Variants in NAALADL2 observed in about 807,000 individuals in gnomAD.
NAALADL2 encodes inactive N-acetylated-alpha-linked acidic dipeptidase-like protein 2.
NAALADL2 carries 76 observed loss-of-function variants against 87.2 expected under a neutral mutation model. That is an observed-to-expected ratio of 0.87 (90% CI 0.72 to 1.05). The LOEUF is 1.05. Ranked by LOEUF, NAALADL2 falls within the 50% of genes least tolerant of loss-of-function variation. NAALADL2 has a pLI of 0.00. For synonymous variants in NAALADL2, 354 were observed against 331.0 expected (o/e 1.07, Z -0.75); for missense variants, 1,089 against 945.8 (o/e 1.15, Z -1.99).
At chr3:174,880,735 ATTCGT>A (rs1450302906) in intron 1 of NAALADL2, among the ~76,000 whole-genome samples, 1 of 152,154 alleles carries the variant, frequency 6.6e-6, no homozygotes, top group East Asian at 1.9e-4. Flanking sequence ...AATTAGATAT[ATTCGT>A]TTCTTCAGGC....
chr3:174,957,849 A>C (rs1408623952), intron 1 of NAALADL2, among the ~76,000 whole-genome samples: 1 of 152,010 alleles, frequency 6.6e-6, no homozygotes, highest in Non-Finnish European at 1.5e-5. Flanking sequence ...GGGAAGGATG[A>C]GCTAAACAGG....
chr3:175,039,098 A>G (rs1209451573), intron 1 of NAALADL2, among the ~76,000 whole-genome samples: 1 of 152,178 alleles, frequency 6.6e-6, no homozygotes, highest in Non-Finnish European at 1.5e-5. Flanking sequence ...TTTTAAAGAA[A>G]GAAAAATATG....
intron 11 of NAALADL2, among the ~76,000 whole-genome samples, chr3:175,658,944 A>G (rs996868423): frequency 1.3e-5 from 2 of 152,086 alleles, no homozygotes; most frequent in Non-Finnish European, 2.9e-5. Flanking sequence ...ACACACACAC[A>G]GTTGTATTTG....
chr3:175,224,369 T>C (rs964752680), intron 2 of NAALADL2, among the ~76,000 whole-genome samples: 1 of 152,116 alleles, frequency 6.6e-6, no homozygotes, highest in Non-Finnish European at 1.5e-5. Flanking sequence ...CCCTGTGAAA[T>C]GTTTGACTGT....
chr3:174,685,905 G>A (rs661308), intron 2 of NAALADL2, among the ~76,000 whole-genome samples: 95,598 of 149,894 alleles, frequency 0.64, 31,117 homozygotes, highest in Admixed American at 0.72. Flanking sequence ...ATGTATAAGT[G>A]AGAACATGCG....
At chr3:174,889,424 A>G (rs1195590296) in intron 1 of NAALADL2, among the ~76,000 whole-genome samples, 2 of 152,148 alleles carry the variant, frequency 1.3e-5, no homozygotes, top group Non-Finnish European at 2.9e-5. Flanking sequence ...TTTTGTAGCC[A>G]TGTGATTCTA....
At chr3:175,078,630 T>C (rs1212889850) in intron 1 of NAALADL2, among the ~76,000 whole-genome samples, 1 of 152,152 alleles carries the variant, frequency 6.6e-6, no homozygotes, top group East Asian at 1.9e-4. Context: ...CAACCAGTAA[T>C]CTTTCTGTCT....
chr3:175,605,674 A>T (rs1207767142), intron 10 of NAALADL2, among the ~76,000 whole-genome samples: 1 of 75,388 alleles, frequency 1.3e-5, no homozygotes, highest in Admixed American at 1.6e-4. Flanking sequence ...TTTAGATAAC[A>T]CGTAATTATA....
At chr3:174,692,192 A>G (rs1728640948) in intron 2 of NAALADL2, 1 of 152,202 alleles carries the variant, frequency 6.6e-6, no homozygotes, top group African/African-American at 2.4e-5. Context: ...TACCAAATGT[A>G]TTTCTTAAAC....
At chr3:174,562,319 G>A (rs1264682227) in intron 2 of NAALADL2, among the ~76,000 whole-genome samples, 5 of 152,088 alleles carry the variant, frequency 3.3e-5, no homozygotes. Flanking sequence ...ATGTTAATTA[G>A]TTTGTAATTT....
intron 9 of NAALADL2, among the ~76,000 whole-genome samples, chr3:175,490,971 T>C (rs1348174716): frequency 1.3e-5 from 2 of 152,094 alleles, no homozygotes; most frequent in African/African-American, 4.8e-5. Flanking sequence ...CTATATCTTA[T>C]AGCCTTCAAA....
intron 12 of NAALADL2, among the ~76,000 whole-genome samples, chr3:175,754,630 G>A (rs1160658201): frequency 6.6e-6 from 1 of 152,188 alleles, no homozygotes; most frequent in African/African-American, 2.4e-5. Flanking sequence ...AGGTTCTCAA[G>A]AGAAAAGATC....
At chr3:174,556,069 G>A (rs1454541327) in intron 2 of NAALADL2, among the ~76,000 whole-genome samples, 1 of 151,786 alleles carries the variant, frequency 6.6e-6, no homozygotes, top group Non-Finnish European at 1.5e-5. Flanking sequence ...CATACATACA[G>A]ATATAGATGT....
chr3:175,375,416 T>C (rs1043048752), intron 5 of NAALADL2, among the ~76,000 whole-genome samples: 12 of 152,182 alleles, frequency 7.9e-5, no homozygotes, highest in African/African-American at 2.7e-4. Flanking sequence ...TGCCAACTTA[T>C]CAACCTGAAA....
intron 9 of NAALADL2, among the ~76,000 whole-genome samples, chr3:175,506,469 A>G (rs1008299229): frequency 1.1e-4 from 16 of 152,220 alleles, no homozygotes; most frequent in African/African-American, 3.9e-4. Flanking sequence ...CAAAGATAAA[A>G]TATGTTATCT....
chr3:175,718,221 T>TTTTGTTTTTTTTGTG, intron 11 of NAALADL2: 1 of 1,045,614 alleles, frequency 9.6e-7, no homozygotes, highest in Non-Finnish European at 1.4e-6. Context: ...TTTTTTTTTT[T>TTTTGTTTTTTTTGTG]TTGATTAGTT....
intron 9 of NAALADL2, among the ~76,000 whole-genome samples, chr3:175,485,965 G>T (rs1727200923): frequency 6.6e-6 from 1 of 152,118 alleles, no homozygotes; most frequent in South Asian, 2.1e-4. Context: ...ACCAGGAGAT[G>T]GGCTGACAAC....
intron 3 of NAALADL2, among the ~76,000 whole-genome samples, chr3:174,805,338 C>T (rs1192831929): frequency 2.0e-5 from 3 of 151,954 alleles, no homozygotes; most frequent in African/African-American, 4.8e-5. Flanking sequence ...AATATGTCTC[C>T]TAGGATTACT....
At chr3:174,790,649 A>C (rs1458583791) in intron 3 of NAALADL2, among the ~76,000 whole-genome samples, 1 of 1,752 alleles carries the variant, frequency 5.7e-4, no homozygotes, top group African/African-American at 1.5e-3. Context: ...ACTCCATCTC[A>C]AAAAAAAAAA....
Sources: allele counts gnomAD v4.1 joint callset (sites outside exome capture counted in the v4.1 genomes callset), GRCh38; gene constraint gnomAD v4.1.1; transcripts MANE v1.5; gene names NCBI Gene and HGNC (gene_info 2026-07-23, HGNC 2026-07-21).